PALLD: variants seen among roughly 807,000 people sequenced by gnomAD.
PALLD encodes palladin, cytoskeletal associated protein.
A neutral mutation model predicts 123.5 loss-of-function variants in PALLD; 61 were observed. That is an observed-to-expected ratio of 0.49 (90% CI 0.40 to 0.61). The LOEUF is 0.61. Ranked by LOEUF, PALLD falls within the 20% of genes least tolerant of loss-of-function variation. PALLD has a pLI of 0.00. For synonymous variants in PALLD, 465 were observed against 496.4 expected (o/e 0.94, Z 0.84); for missense variants, 1,273 against 1,377.0 (o/e 0.92, Z 1.20).
intron 2 of PALLD, among the ~76,000 whole-genome samples, chr4:168,569,479 A>G (rs1177648765): frequency 6.6e-6 from 1 of 152,150 alleles, no homozygotes; most frequent in Non-Finnish European, 1.5e-5. Context: ...TTCAAGAACA[A>G]CTTAGGTAGG....
intron 10 of PALLD, among the ~76,000 whole-genome samples, chr4:168,852,980 T>C (rs1420765055): frequency 6.6e-6 from 1 of 152,242 alleles, no homozygotes; most frequent in Non-Finnish European, 1.5e-5. Flanking sequence ...ACTGTTAAAC[T>C]TTACAAAAAA....
At chr4:168,539,519 C>T (rs990866473) in intron 2 of PALLD, among the ~76,000 whole-genome samples, 4 of 151,286 alleles carry the variant, frequency 2.6e-5, no homozygotes, top group East Asian at 1.9e-4. Flanking sequence ...ACCCGGGAGG[C>T]GGAGGTTGCA....
chr4:168,615,425 A>G (rs983232636), intron 2 of PALLD, among the ~76,000 whole-genome samples: 2 of 152,226 alleles, frequency 1.3e-5, no homozygotes, highest in Admixed American at 6.5e-5. Context: ...CAATTTCACA[A>G]GGAAAATAAC....
At chr4:168,785,397 T>G (rs1435538108) in intron 10 of PALLD, among the ~76,000 whole-genome samples, 1 of 152,144 alleles carries the variant, frequency 6.6e-6, no homozygotes, top group Non-Finnish European at 1.5e-5. Context: ...ACCCTTATCT[T>G]CTCTACAAAT....
chr4:168,592,731 A>T (rs1580470122), intron 2 of PALLD, among the ~76,000 whole-genome samples: 1 of 78,814 alleles, frequency 1.3e-5, no homozygotes, highest in Non-Finnish European at 2.9e-5. Context: ...TTGAAATATT[A>T]AAAAAAAAAA....
At chr4:168,540,864 A>G (rs1052592073) in intron 2 of PALLD, among the ~76,000 whole-genome samples, 2 of 151,902 alleles carry the variant, frequency 1.3e-5, no homozygotes, top group East Asian at 3.9e-4. Context: ...TCACTGCAAA[A>G]TTATTAAATT....
Position 168,558,123 on chromosome 4 carries a change from T to C in PALLD, c.908+45711T>C, listed in dbSNP as rs1369329250. On this transcript the variant is annotated intron_variant, in intron 2 of 21. Transcript: ENST00000505667. ...CAAATCAGTTCCTCATCTTCAGCCT[T>C]TTTCTGATGAGGTCACCTCTCACCC... Among the ~76,000 whole-genome samples, 4 of 152,182 alleles carry C rather than the reference T, an allele frequency of 2.6e-5. No individual in the cohort carries two copies. The East Asian group carries it at 7.7e-4, about 29-fold the overall frequency.
chr4:168,874,444 G>A (rs909882780), intron 10 of PALLD, among the ~76,000 whole-genome samples: 2 of 152,066 alleles, frequency 1.3e-5, no homozygotes, highest in Admixed American at 1.3e-4. Flanking sequence ...AAACCACTGG[G>A]GTAGAGGAGT....
chr4:168,559,195 G>A (rs549479077), intron 2 of PALLD, among the ~76,000 whole-genome samples: 2 of 109,526 alleles, frequency 1.8e-5, no homozygotes, highest in East Asian at 2.9e-4. Flanking sequence ...TATTTCCCCC[G>A]ATGTATCTGC....
chr4:168,542,758 A>ATATATG, intron 2 of PALLD, among the ~76,000 whole-genome samples: 2 of 130,146 alleles, frequency 1.5e-5, no homozygotes, highest in Admixed American at 7.5e-5. Flanking sequence ...ATATATATAT[A>ATATATG]TATATGGAGA....
chr4:168,748,684 G>A (rs1194465717), intron 10 of PALLD, among the ~76,000 whole-genome samples: 1 of 152,092 alleles, frequency 6.6e-6, no homozygotes, highest in Non-Finnish European at 1.5e-5. Context: ...GGGAAGAATG[G>A]GCTTCCAAGC....
At chr4:168,664,811 G>C (rs373330628) in intron 2 of PALLD, among the ~76,000 whole-genome samples, 17 of 151,750 alleles carry the variant, frequency 1.1e-4, no homozygotes, top group East Asian at 5.8e-4. Context: ...TTGATGGCAG[G>C]CTCTCCCTAA....
rs142179807 is a variant in PALLD at position 168,522,270 on chromosome 4, A to G, written c.908+9858A>G. Reference sequence around the variant, plus strand: ...AGAAAAATCTAAAATAATTTAAGTAACAAATGCAGGCTTTTCCTCAGCTAG... The same window carrying G: ...AGAAAAATCTAAAATAATTTAAGTAGCAAATGCAGGCTTTTCCTCAGCTAG... On this transcript the variant is annotated intron_variant, in intron 2 of 21. Transcript: ENST00000505667. Among the ~76,000 whole-genome samples, 834 of 152,350 alleles carry G rather than the reference A, an allele frequency of 5.5e-3. 4 individuals carry two copies. The highest frequency in any genetic ancestry group is 0.019 in the African/African-American group (789 of 41,584).
intron 10 of PALLD, among the ~76,000 whole-genome samples, chr4:168,889,258 T>C (rs1265511631): frequency 6.7e-6 from 1 of 150,374 alleles, no homozygotes; most frequent in Non-Finnish European, 1.5e-5. Flanking sequence ...CTGCCTCCAG[T>C]GTTCAAGCAA....
chr4:168,691,425 G>T, intron 8 of PALLD, 133 bp downstream of exon 8: 1 of 723,974 alleles, frequency 1.4e-6, no homozygotes. Context: ...CTGGAAATGT[G>T]AAACCCCCTT....
intron 2 of PALLD, among the ~76,000 whole-genome samples, chr4:168,633,648 A>G (rs1324942651): frequency 1.3e-5 from 2 of 152,242 alleles, no homozygotes; most frequent in Non-Finnish European, 2.9e-5. Flanking sequence ...GACTAGAAAT[A>G]GCAATGATTG....
chr4:168,515,963 A>T (rs1380397333), intron 2 of PALLD, among the ~76,000 whole-genome samples: 1 of 152,224 alleles, frequency 6.6e-6, no homozygotes, highest in Non-Finnish European at 1.5e-5. Context: ...AAGTAACAGA[A>T]ACAACAGGGT....
chr4:168,655,943 C>T (rs910268715), intron 2 of PALLD, among the ~76,000 whole-genome samples: 1 of 152,180 alleles, frequency 6.6e-6, no homozygotes, highest in Non-Finnish European at 1.5e-5. Flanking sequence ...TCCATAGAGT[C>T]GAAGACACCA....
At chr4:168,655,766 T>C (rs1419007106) in intron 2 of PALLD, among the ~76,000 whole-genome samples, 1 of 152,196 alleles carries the variant, frequency 6.6e-6, no homozygotes, top group Non-Finnish European at 1.5e-5. Context: ...ACTAATGAAC[T>C]CGGGGAAATT....
Sources: allele counts gnomAD v4.1 joint callset (sites outside exome capture counted in the v4.1 genomes callset), GRCh38; gene constraint gnomAD v4.1.1; transcripts MANE v1.5; gene names NCBI Gene and HGNC (gene_info 2026-07-23, HGNC 2026-07-21).